MAPK10: variants seen among roughly 807,000 people sequenced by gnomAD.
MAPK10 encodes JNK3 alpha protein kinase.
In MAPK10, 25 loss-of-function variants were observed where a neutral mutation model predicts 59.3. That is an observed-to-expected ratio of 0.42 (90% CI 0.31 to 0.59). The LOEUF is 0.59. Among genes scored for constraint, MAPK10 ranks in the 20% least tolerant of loss-of-function variants. The probability of loss-of-function intolerance (pLI) is 0.15; values close to 1 mark genes in which losing one functional copy is unlikely to be tolerated. For synonymous variants in MAPK10, 190 were observed against 200.5 expected, an observed-to-expected ratio of 0.95 and a Z score of 0.44; for missense variants, 351 against 568.9, an observed-to-expected ratio of 0.62 and a Z score of 3.90.
intron 2 of MAPK10, among the ~76,000 whole-genome samples, chr4:86,227,952 T>C (rs1378163315): frequency 6.6e-5 from 10 of 152,082 alleles, no homozygotes; most frequent in Non-Finnish European, 1.5e-5. Flanking sequence ...CTAGAAACAG[T>C]AGACACTGCA....
intron 4 of MAPK10, among the ~76,000 whole-genome samples, chr4:86,136,754 G>A (rs1382393487): frequency 5.9e-5 from 9 of 151,618 alleles, no homozygotes; most frequent in Admixed American, 1.3e-4. Context: ...TGGATAAAGA[G>A]TCAAGACCCA....
chr4:86,586,437 C>T (rs969301596), intron 1 of MAPK10, among the ~76,000 whole-genome samples: 2 of 152,336 alleles, frequency 1.3e-5, no homozygotes, highest in East Asian at 3.9e-4. Context: ...ACTGGCTTCC[C>T]CTCTTTCCTA....
intron 1 of MAPK10, among the ~76,000 whole-genome samples, chr4:86,373,229 C>A (rs1739187604): frequency 6.6e-6 from 1 of 152,150 alleles, no homozygotes; most frequent in Non-Finnish European, 1.5e-5. Flanking sequence ...AAACTGGACC[C>A]CTTCCTTACA....
At chr4:86,122,214 T>C (rs548064625) in intron 4 of MAPK10, among the ~76,000 whole-genome samples, 4 of 152,122 alleles carry the variant, frequency 2.6e-5, no homozygotes, top group Non-Finnish European at 5.9e-5. Flanking sequence ...ATTGTCATGG[T>C]AGAAAAAGAC....
chr4:86,434,619 C>T (rs1177477964), intron 1 of MAPK10, among the ~76,000 whole-genome samples: 3 of 152,144 alleles, frequency 2.0e-5, no homozygotes, highest in Non-Finnish European at 4.4e-5. Context: ...AGTTAAAAGG[C>T]TTGTATCAAA....
intron 4 of MAPK10, among the ~76,000 whole-genome samples, chr4:86,113,405 C>T (rs1488643610): frequency 6.6e-6 from 1 of 152,060 alleles, no homozygotes; most frequent in Non-Finnish European, 1.5e-5. Context: ...TCTAAGGCAG[C>T]CCTGGTGGTG....
intron 4 of MAPK10, among the ~76,000 whole-genome samples, chr4:86,145,109 T>C (rs1278167324): frequency 6.6e-6 from 1 of 152,178 alleles, no homozygotes; most frequent in Non-Finnish European, 1.5e-5. Flanking sequence ...TTACTCTGGG[T>C]CCAGTGATCT....
At chr4:86,202,974 G>T (rs1316928205) in intron 2 of MAPK10, among the ~76,000 whole-genome samples, 1 of 151,866 alleles carries the variant, frequency 6.6e-6, no homozygotes, top group Non-Finnish European at 1.5e-5. Context: ...GTTTTTCCTG[G>T]TAGCATGGCA....
rs367742433 is a variant in MAPK10 at position 86,064,295 on chromosome 4, C to T, written c.1081G>A (p.Val361Ile). 23 of 1,614,006 alleles carry T rather than the reference C, an allele frequency of 1.4e-5. No individual in the cohort carries two copies. The African/African-American group carries it at 2.4e-4, about 17-fold the overall frequency. The change falls in exon 11 of 14, where the codon GTC (valine) becomes ATC (isoleucine). Residue 361 changes from valine (V) to isoleucine (I), a missense_variant. This residue lies in a region of MAPK10 where 155 missense variants were observed against 204.2 expected (regional missense o/e 0.76). Transcript: ENST00000641462. ...DDALQHPYIN[V>I]WYDPAEVEAP... Reference sequence around the variant, plus strand: ...TCCACTTCGGCTGGGTCATACCAGACGTTGATGTAGGGATGCTGTAAGGCG... The same window carrying T: ...TCCACTTCGGCTGGGTCATACCAGATGTTGATGTAGGGATGCTGTAAGGCG...
intron 1 of MAPK10, among the ~76,000 whole-genome samples, chr4:86,382,944 T>C (rs961152940): frequency 2.6e-5 from 4 of 152,172 alleles, no homozygotes; most frequent in African/African-American, 9.7e-5. Flanking sequence ...CTGTCTAACC[T>C]CTCTTTATTT....
chr4:86,542,165 A>G (rs903846287), intron 1 of MAPK10, among the ~76,000 whole-genome samples: 1 of 152,176 alleles, frequency 6.6e-6, no homozygotes, highest in African/African-American at 2.4e-5. Context: ...GTCCAGAAAA[A>G]TAACATTAAG....
At chr4:86,246,408 G>A (rs2093090449) in intron 2 of MAPK10, among the ~76,000 whole-genome samples, 2 of 152,180 alleles carry the variant, frequency 1.3e-5, no homozygotes, top group Admixed American at 6.5e-5. Context: ...TCCAGCCTGG[G>A]CAGCAGAGCA....
chr4:86,115,389 G>A (rs1204436027), intron 4 of MAPK10, among the ~76,000 whole-genome samples: 1 of 152,078 alleles, frequency 6.6e-6, no homozygotes, highest in Admixed American at 6.5e-5. Context: ...CCCAGTGAGA[G>A]AACCTGGATA....
intron 1 of MAPK10, among the ~76,000 whole-genome samples, chr4:86,477,608 A>G (rs1753211409): frequency 6.6e-6 from 1 of 152,206 alleles, no homozygotes; most frequent in South Asian, 2.1e-4. Flanking sequence ...AAAGGATTAA[A>G]GCCTGTTATC....
At chr4:86,429,940 CT>C (rs1320475129) in intron 1 of MAPK10, 1 of 151,796 alleles carries the variant, frequency 6.6e-6, no homozygotes, top group Non-Finnish European at 1.5e-5. Context: ...TTCTCTAATA[CT>C]GTAATATTAA....
chr4:86,287,664 C>G (rs1036181081), intron 2 of MAPK10, among the ~76,000 whole-genome samples: 1 of 152,148 alleles, frequency 6.6e-6, no homozygotes. Flanking sequence ...CCCAATAATC[C>G]ATAGATTACA....
In MAPK10 at chr4:86,562,355, C is replaced by T. The variant is rs550988163; in HGVS notation, c.-263+31555G>A. ...TTAATTGTTAATCTAGCCTCAGCATCAATGCTCCTAACATCAGATGCCAAT... is the reference window on the plus strand; with the variant it reads ...TTAATTGTTAATCTAGCCTCAGCATTAATGCTCCTAACATCAGATGCCAAT... On this transcript the variant is annotated intron_variant, in intron 1 of 4. Transcript: ENST00000502302. Among the ~76,000 whole-genome samples the T allele has an allele frequency of 3.3e-5, 5 of 152,230 alleles. No homozygotes were observed. The East Asian group carries it at 9.7e-4, about 29-fold the overall frequency.
At chr4:86,581,082 T>A (rs930305577) in intron 1 of MAPK10, among the ~76,000 whole-genome samples, 2 of 152,218 alleles carry the variant, frequency 1.3e-5, no homozygotes, top group Non-Finnish European at 2.9e-5. Context: ...TATTATCTTT[T>A]GGGTACATAT....
At chr4:86,055,437 A>G (rs1470424007) in intron 11 of MAPK10, among the ~76,000 whole-genome samples, 1 of 149,894 alleles carries the variant, frequency 6.7e-6, no homozygotes. Flanking sequence ...CTTTCCTGAG[A>G]AAACTCAATT....
Sources: gnomAD v4.1 joint callset for allele counts (sites outside exome capture counted in the v4.1 genomes callset) on GRCh38, gnomAD v4.1.1 for gene constraint, gnomAD v4.1.1 regional missense constraint, MANE v1.5 for transcripts, NCBI Gene and HGNC (gene_info 2026-07-23, HGNC 2026-07-21) for gene names.